Variants in PIK3CB observed in about 807,000 individuals in gnomAD.
The protein encoded by PIK3CB is phosphatidylinositol 4,5-bisphosphate 3-kinase catalytic subunit beta isoform.
Under a neutral mutation model 136.8 loss-of-function variants are expected in PIK3CB, and 39 were observed. The ratio of observed to expected loss-of-function variants is 0.29; its 90% confidence interval spans 0.22 to 0.37. The LOEUF is 0.37. Among genes scored for constraint, PIK3CB ranks in the 10% least tolerant of loss-of-function variants. The pLI is 1.00. For synonymous variants in PIK3CB, 428 were observed against 436.6 expected, an observed-to-expected ratio of 0.98 and a Z score of 0.25; for missense variants, 868 against 1,275.4, an observed-to-expected ratio of 0.68 and a Z score of 4.87.
chr3:138,667,321 A>G (rs2043433547), intron 19 of PIK3CB, among the ~76,000 whole-genome samples: 1 of 151,888 alleles, frequency 6.6e-6, no homozygotes, highest in Admixed American at 6.6e-5. Flanking sequence ...AAGTGGTGAA[A>G]AGACCATGCA....
intron 2 of PIK3CB, chr3:138,778,093 C>T: frequency 2.9e-6 from 1 of 347,296 alleles, no homozygotes; most frequent in South Asian, 2.1e-5. Context: ...TGGGTGATGC[C>T]ACCACAATTA....
chr3:138,758,240 T>C (rs1368550398), intron 3 of PIK3CB, among the ~76,000 whole-genome samples: 1 of 152,070 alleles, frequency 6.6e-6, no homozygotes, highest in Non-Finnish European at 1.5e-5. Flanking sequence ...AGAATAGAAA[T>C]AAAAAGGAAT....
intron 13 of PIK3CB, 99 bp downstream of exon 13, chr3:138,698,808 C>CCTAT: frequency 1.6e-6 from 1 of 640,628 alleles, no homozygotes; most frequent in Non-Finnish European, 2.6e-6. Flanking sequence ...CTTAAATTAT[C>CCTAT]CTATCTATGA....
chr3:138,681,117 G>A (rs1395616062), intron 19 of PIK3CB, among the ~76,000 whole-genome samples: 1 of 138,100 alleles, frequency 7.2e-6, no homozygotes, highest in Non-Finnish European at 1.5e-5. Context: ...TGCAATCTCT[G>A]TTCCCTGCAA....
At chr3:138,827,339 C>T (rs941540187) in intron 1 of PIK3CB, among the ~76,000 whole-genome samples, 1 of 151,976 alleles carries the variant, frequency 6.6e-6, no homozygotes, top group African/African-American at 2.4e-5. Flanking sequence ...AGCACCTTAA[C>T]GAAGATTGAG....
At chr3:138,825,612 C>G in intron 1 of PIK3CB, 1 of 618,612 alleles carries the variant, frequency 1.6e-6, no homozygotes, top group South Asian at 2.0e-5. Flanking sequence ...ATGGCAATGC[C>G]AGGGGAACCA....
intron 1 of PIK3CB, among the ~76,000 whole-genome samples, chr3:138,815,248 T>C (rs1174281264): frequency 7.0e-6 from 1 of 142,340 alleles, no homozygotes; most frequent in Non-Finnish European, 1.5e-5. Flanking sequence ...TCCCAGCTAC[T>C]CTGGAGGCTC....
intron 23 of PIK3CB, 143 bp downstream of exon 23, chr3:138,655,999 C>T: frequency 1.3e-6 from 1 of 796,292 alleles, no homozygotes. Flanking sequence ...TATGTACTTC[C>T]CAGATTCTTT....
intron 1 of PIK3CB, among the ~76,000 whole-genome samples, chr3:138,797,838 C>T (rs898908787): frequency 1.3e-5 from 2 of 151,968 alleles, no homozygotes; most frequent in Non-Finnish European, 2.9e-5. Flanking sequence ...GCCTGTGATC[C>T]AGTTACTCAG....
chr3:138,810,640 C>T (rs373860084), intron 1 of PIK3CB, among the ~76,000 whole-genome samples: 3 of 151,994 alleles, frequency 2.0e-5, no homozygotes, highest in African/African-American at 4.8e-5. Flanking sequence ...AATGTTGGGC[C>T]GGGCATGGTG....
intron 8 of PIK3CB, among the ~76,000 whole-genome samples, chr3:138,717,832 C>T (rs2044644675): frequency 6.6e-6 from 1 of 152,180 alleles, no homozygotes; most frequent in African/African-American, 2.4e-5. Flanking sequence ...ATAATAGCCT[C>T]CAGCTCCACC....
intron 8 of PIK3CB, among the ~76,000 whole-genome samples, chr3:138,725,514 C>A (rs557575137): frequency 1.3e-4 from 20 of 152,296 alleles, no homozygotes; most frequent in African/African-American, 4.6e-4. Context: ...TCCTGGGGCT[C>A]TATCGAATTT....
chr3:138,819,672 T>A lies in PIK3CB; in HGVS notation c.-122+15023A>T, dbSNP rs188822182. On this transcript the variant is annotated intron_variant, in intron 1 of 23. Transcript: ENST00000674063. ...CGTATGAGGTACAGCCTCATCATCT[T>A]TTAAAAACTTCCTAAGTAGGCCAGG... Among the ~76,000 whole-genome samples the A allele has an allele frequency of 1.1e-3, 171 of 152,190 alleles. 1 individual carries two copies. The highest frequency in any genetic ancestry group is 4.0e-3 in the African/African-American group (168 of 41,544).
chr3:138,680,160 C>T (rs973097109), intron 19 of PIK3CB, among the ~76,000 whole-genome samples: 2 of 151,908 alleles, frequency 1.3e-5, no homozygotes, highest in African/African-American at 4.8e-5. Context: ...GAGTTTGAGA[C>T]CAGCCTGACA....
At chr3:138,715,820 T>C (rs951976735) in intron 8 of PIK3CB, among the ~76,000 whole-genome samples, 1 of 151,856 alleles carries the variant, frequency 6.6e-6, no homozygotes, top group Non-Finnish European at 1.5e-5. Flanking sequence ...TGTAGGTTAG[T>C]AGGCCAGACA....
chr3:138,684,587 T>G lies in PIK3CB; in HGVS notation c.2315+38A>C, dbSNP rs772809621. The G allele has an allele frequency of 2.0e-6, 3 of 1,504,498 alleles. No homozygotes were observed. The South Asian group carries it at 3.8e-5, about 19-fold the overall frequency. The allele number at this position is 1,504,498 out of a possible 1,614,324, so 93.2% of individuals were successfully genotyped here. A position where few individuals can be genotyped will look rare whatever the true frequency, so the allele number is the denominator to read the frequency against. On this transcript the variant is annotated intron_variant, in intron 17 of 23. Coordinates refer to ENST00000674063, the MANE Select transcript of PIK3CB (RefSeq NM_006219.3). Reference sequence around the variant, plus strand: ...TAAGGCAGTGACTTTCTGCTTGCTATTCATAGGAGATTCACTGCGCAAAGC... The same window carrying G: ...TAAGGCAGTGACTTTCTGCTTGCTAGTCATAGGAGATTCACTGCGCAAAGC...
intron 2 of PIK3CB, among the ~76,000 whole-genome samples, chr3:138,763,383 C>T (rs185136527): frequency 1.7e-3 from 260 of 152,182 alleles, no homozygotes; most frequent in African/African-American, 5.7e-3. Flanking sequence ...ATGATCCACC[C>T]GCCTCGGCCT....
At chr3:138,731,038 A>G (rs1221250091) in intron 8 of PIK3CB, among the ~76,000 whole-genome samples, 1 of 152,222 alleles carries the variant, frequency 6.6e-6, no homozygotes, top group Non-Finnish European at 1.5e-5. Flanking sequence ...ATCAAGTTAT[A>G]GAACAATGTA....
At chr3:138,722,221 GAC>G (rs56139182) in intron 8 of PIK3CB, among the ~76,000 whole-genome samples, 14,670 of 144,042 alleles carry the variant, frequency 0.1, 1,243 homozygotes, top group African/African-American at 0.24. Context: ...CTATGTAAGA[GAC>G]ACACACACAC....
Sources: gnomAD v4.1 joint callset for allele counts (sites outside exome capture counted in the v4.1 genomes callset) on GRCh38, gnomAD v4.1.1 for gene constraint, MANE v1.5 for transcripts, NCBI Gene and HGNC (gene_info 2026-07-23, HGNC 2026-07-21) for gene names.